Variants in TIMP2 observed in about 807,000 individuals in gnomAD.
TIMP2 encodes TIMP metallopeptidase inhibitor 2.
A neutral mutation model predicts 24.3 loss-of-function variants in TIMP2; 5 were observed. The ratio of observed to expected loss-of-function variants is 0.21; its 90% CI spans 0.11 to 0.43. The LOEUF is 0.43. TIMP2 is among the 20% of genes least tolerant of loss of function. The pLI, the probability that TIMP2 is intolerant of heterozygous loss-of-function variation, is 1.00. For synonymous variants in TIMP2, 130 were observed against 123.2 expected (o/e 1.06, Z -0.37); for missense variants, 221 against 297.5 (o/e 0.74, Z 1.89).
intron 3 of TIMP2, among the ~76,000 whole-genome samples, chr17:78,864,200 C>A (rs1441035461): frequency 6.6e-6 from 1 of 152,144 alleles, no homozygotes; most frequent in Non-Finnish European, 1.5e-5. Context: ...CCTGCCTCAG[C>A]CTCCCAAGTA....
intron 3 of TIMP2, among the ~76,000 whole-genome samples, chr17:78,861,794 G>A (rs2069569144): frequency 6.6e-6 from 1 of 151,998 alleles, no homozygotes; most frequent in African/African-American, 2.4e-5. Flanking sequence ...GTAGAGACAC[G>A]GTTTCACCAT....
At chr17:78,882,751 G>C (rs983264693) in intron 1 of TIMP2, among the ~76,000 whole-genome samples, 8 of 152,244 alleles carry the variant, frequency 5.3e-5, no homozygotes, top group African/African-American at 1.9e-4. Context: ...TGGAGGCCAC[G>C]CCTCTCCCAA....
At chr17:78,893,134 T>G (rs948300511) in intron 1 of TIMP2, among the ~76,000 whole-genome samples, 6 of 143,656 alleles carry the variant, frequency 4.2e-5, no homozygotes, top group African/African-American at 7.9e-5. Flanking sequence ...TGTGCAGGGG[T>G]GTGTGTGCGT....
intron 1 of TIMP2, among the ~76,000 whole-genome samples, chr17:78,874,407 C>G (rs1457587988): frequency 6.6e-6 from 1 of 152,138 alleles, no homozygotes; most frequent in Non-Finnish European, 1.5e-5. Context: ...CACCCTCCAG[C>G]CACGGCCTAT....
rs1050289801 is a variant in TIMP2, at chr17:78,853,408, G to A, written c.*2259C>T. 6.6e-6 allele frequency: 1 copy of A among 152,164 alleles called. No homozygotes were observed. Among genetic ancestry groups the A allele is most frequent in the Non-Finnish European group, 1.5e-5 (1 of 68,006 alleles). 9.4% of individuals were successfully genotyped at this position (152,164 alleles called of 1,614,324 possible). A position where few individuals can be genotyped will look rare whatever the true frequency, so the allele number is the denominator to read the frequency against. On this transcript the variant is annotated 3_prime_UTR_variant, in exon 5 of 5. Transcript: ENST00000262768. ...CTATTTATTGTGAAGGTATTTGAGCGGCTTCCTCTGTCAGCTGCCACCCGG... is the reference window on the plus strand; with the variant it reads ...CTATTTATTGTGAAGGTATTTGAGCAGCTTCCTCTGTCAGCTGCCACCCGG...
intron 3 of TIMP2, among the ~76,000 whole-genome samples, chr17:78,869,928 C>T (rs2069660462): frequency 6.6e-6 from 1 of 152,204 alleles, no homozygotes; most frequent in South Asian, 2.1e-4. Context: ...TGCAGGGTTC[C>T]ACCCATGTGA....
intron 2 of TIMP2, among the ~76,000 whole-genome samples, chr17:78,872,622 A>G (rs2069695571): frequency 6.6e-6 from 1 of 152,118 alleles, no homozygotes; most frequent in Non-Finnish European, 1.5e-5. Context: ...AAATGACATC[A>G]TTTGCCAAAA....
chr17:78,910,074 G>A (rs1364768919), intron 1 of TIMP2, among the ~76,000 whole-genome samples: 1 of 152,096 alleles, frequency 6.6e-6, no homozygotes, highest in East Asian at 1.9e-4. Flanking sequence ...AATGTATAGT[G>A]ATCAGATCAG....
intron 1 of TIMP2, among the ~76,000 whole-genome samples, chr17:78,921,467 C>T (rs1375752562): frequency 6.6e-6 from 1 of 152,226 alleles, no homozygotes; most frequent in East Asian, 1.9e-4. Context: ...CCTGGCTTTA[C>T]CCTTGAGTCC....
intron 1 of TIMP2, 121 bp from the exon 2 acceptor site, chr17:78,874,040 G>A (rs116448393): frequency 2.2e-4 from 176 of 796,854 alleles, no homozygotes; most frequent in African/African-American, 2.2e-3. Flanking sequence ...GCAGCAAGGT[G>A]CGAGACGGGC....
chr17:78,887,281 C>G (rs1206437453), intron 1 of TIMP2, among the ~76,000 whole-genome samples: 1 of 152,196 alleles, frequency 6.6e-6, no homozygotes. Flanking sequence ...CTTTTACTCA[C>G]TCATCATCTG....
Position 78,854,937 on chromosome 17 carries a change from G to T in TIMP2, c.*730C>A, listed in dbSNP as rs1599142452. The T allele has an allele frequency of 1.5e-5, 2 of 133,322 alleles. No homozygotes were observed. The highest frequency in any genetic ancestry group is 1.5e-4 in the Admixed American group (2 of 13,568). 8.3% of individuals were successfully genotyped at this position (133,322 alleles called of 1,614,324 possible). A position where few individuals can be genotyped will look rare whatever the true frequency, so the allele number is the denominator to read the frequency against. On this transcript the variant is annotated 3_prime_UTR_variant, in exon 5 of 5. Coordinates refer to ENST00000262768, the MANE Select transcript of TIMP2 (RefSeq NM_003255.5). ...GCATGTGGGCGGGGGGGGGGGGGTGGGGGGGTGGGTGCAGACCAAAAAGAC... is the reference window on the plus strand; with the variant it reads ...GCATGTGGGCGGGGGGGGGGGGGTGTGGGGGTGGGTGCAGACCAAAAAGAC...
At chr17:78,888,397 C>T (rs888594436) in intron 1 of TIMP2, among the ~76,000 whole-genome samples, 10 of 151,908 alleles carry the variant, frequency 6.6e-5, no homozygotes, top group African/African-American at 2.2e-4. Context: ...TGACCTCAAG[C>T]AATCCGCCCG....
chr17:78,880,137 C>G (rs1231406444), intron 1 of TIMP2, among the ~76,000 whole-genome samples: 2 of 152,174 alleles, frequency 1.3e-5, no homozygotes, highest in Non-Finnish European at 2.9e-5. Flanking sequence ...AGGGGCGGCA[C>G]TCTCCACAGA....
intron 2 of TIMP2, among the ~76,000 whole-genome samples, chr17:78,873,305 T>A (rs3786145): frequency 0.096 from 457 of 4,760 alleles, 12 homozygotes; most frequent in African/African-American, 0.21. Context: ...TGCCACATAT[T>A]TTTTTTTTTT....
rs759447556 is a variant in TIMP2, at chr17:78,857,649, G to A, written c.341-3C>T. The A allele has an allele frequency of 4.3e-6, 7 of 1,613,970 alleles. No homozygotes were observed. The Admixed American group carries it at 1.2e-4, about 27-fold the overall frequency. ...CTTGCCGTCCCCCTCGGCCTTTCCT[G>A]CGGAGAGACGGGGATCACCGAGCTC... On this transcript the variant is annotated splice_region_variant and splice_polypyrimidine_tract_variant and intron_variant, in intron 3 of 4. Coordinates refer to ENST00000262768, the MANE Select transcript of TIMP2 (RefSeq NM_003255.5).
chr17:78,917,622 A>T (rs1384776458), intron 1 of TIMP2, among the ~76,000 whole-genome samples: 1 of 152,204 alleles, frequency 6.6e-6, no homozygotes, highest in African/African-American at 2.4e-5. Flanking sequence ...TGTGTGGTCC[A>T]GCTGTGATCA....
intron 1 of TIMP2, among the ~76,000 whole-genome samples, chr17:78,914,535 G>A (rs1188424966): frequency 3.3e-5 from 5 of 151,316 alleles, no homozygotes; most frequent in Non-Finnish European, 7.4e-5. Context: ...CACCCACCTT[G>A]GCCTCCCAAA....
chr17:78,872,516 A>T (rs1343524432), intron 2 of TIMP2, among the ~76,000 whole-genome samples: 1 of 152,178 alleles, frequency 6.6e-6, no homozygotes, highest in Non-Finnish European at 1.5e-5. Context: ...TCAATAAGCA[A>T]ACCCAAATGG....
Sources: gnomAD v4.1 joint callset for allele counts (sites outside exome capture counted in the v4.1 genomes callset) on GRCh38, gnomAD v4.1.1 for gene constraint, MANE v1.5 for transcripts, NCBI Gene and HGNC (gene_info 2026-07-23, HGNC 2026-07-21) for gene names.